The following USP8 variants were observed in gnomAD, a reference collection of about 807,000 sequenced individuals.
USP8 encodes the protein ubiquitin carboxyl-terminal hydrolase 8.
USP8 carries 27 observed loss-of-function variants against 130.0 expected under a neutral mutation model. The ratio of observed to expected loss-of-function variants is 0.21; its 90% CI spans 0.15 to 0.29. The LOEUF (loss-of-function observed/expected upper bound fraction) is 0.29, where lower values mean the gene tolerates loss of function less well. USP8 is among the 10% of genes least tolerant of loss of function. USP8 has a pLI of 1.00. For missense variants in USP8, 1,029 were observed against 1,312.2 expected (o/e 0.78, Z 3.33); for synonymous variants, 392 against 444.1 (o/e 0.88, Z 1.48).
At position 50,500,130 on chromosome 15, in the gene USP8, C is replaced by T. The variant is rs780851056; in HGVS notation, c.*1042C>T. 1 of 152,136 alleles carries T rather than the reference C, an allele frequency of 6.6e-6. No individual in the cohort carries two copies. Among genetic ancestry groups the T allele is most frequent in the Non-Finnish European group, 1.5e-5 (1 of 68,052 alleles). 9.4% of individuals were successfully genotyped at this position (152,136 alleles called of 1,614,324 possible). ...TAAAAGTGCTTCAGAAAGAGACCAC[C>T]ATTAGCAGGCTCTCAGGGAGAAGAT... On this transcript the variant is annotated 3_prime_UTR_variant, in exon 20 of 20. Coordinates refer to ENST00000307179, the MANE Select transcript of USP8 (RefSeq NM_005154.5).
intron 4 of USP8, among the ~76,000 whole-genome samples, chr15:50,456,602 A>G (rs1324263798): frequency 1.4e-5 from 2 of 146,452 alleles, no homozygotes; most frequent in African/African-American, 2.5e-5. Flanking sequence ...TAACTGCTTA[A>G]TGGCCGGGTG....
chr15:50,485,550 A>ATTTTTTTTTTTTTTTT (rs71424071), intron 12 of USP8, among the ~76,000 whole-genome samples: 19 of 27,938 alleles, frequency 6.8e-4, no homozygotes, highest in Middle Eastern at 0.045. Context: ...CAGTTTAGTG[A>ATTTTTTTTTTTTTTTT]TTTTTTTTTT....
intron 4 of USP8, among the ~76,000 whole-genome samples, chr15:50,456,864 C>A (rs904434032): frequency 1.3e-5 from 2 of 151,852 alleles, no homozygotes; most frequent in Admixed American, 1.3e-4. Flanking sequence ...CCTGCCTGGG[C>A]AGCAGAGCGA....
chr15:50,477,664 A>AC (rs1490607356), intron 10 of USP8, among the ~76,000 whole-genome samples, 165 bp downstream of exon 10: 1 of 151,592 alleles, frequency 6.6e-6, no homozygotes, highest in Non-Finnish European at 1.5e-5. Context: ...ACATGGTGAA[A>AC]CCCCCCTCTC....
At chr15:50,496,794 T>TA (rs1595993643) in intron 17 of USP8, 2 of 238,616 alleles carry the variant, frequency 8.4e-6, no homozygotes, top group Non-Finnish European at 1.6e-5. Context: ...CCTTTAGTCT[T>TA]AAAGTACCTC....
chr15:50,475,566 C>A (rs2051538546), intron 8 of USP8, among the ~76,000 whole-genome samples: 3 of 152,022 alleles, frequency 2.0e-5, no homozygotes, highest in Non-Finnish European at 2.9e-5. Context: ...TATATACACA[C>A]ACATATATGT....
intron 3 of USP8, among the ~76,000 whole-genome samples, chr15:50,442,618 G>A (rs902795159): frequency 4.0e-5 from 6 of 151,882 alleles, no homozygotes; most frequent in Admixed American, 1.3e-4. Context: ...AGTGGCGGGC[G>A]CCTGTAATCC....
intron 4 of USP8, among the ~76,000 whole-genome samples, chr15:50,453,726 GTATC>G (rs2050696331): frequency 2.0e-5 from 3 of 151,976 alleles, no homozygotes; most frequent in Admixed American, 1.3e-4. Flanking sequence ...ATATTTAACT[GTATC>G]TATTTATGCC....
intron 4 of USP8, among the ~76,000 whole-genome samples, chr15:50,457,717 C>T (rs1410053752): frequency 6.6e-6 from 1 of 150,928 alleles, no homozygotes; most frequent in Non-Finnish European, 1.5e-5. Context: ...ACAAATTAGC[C>T]AGGCATGGTG....
At chr15:50,467,759 A>G (rs555440433) in intron 7 of USP8, among the ~76,000 whole-genome samples, 113 of 151,480 alleles carry the variant, frequency 7.5e-4, no homozygotes, top group African/African-American at 2.7e-3. Flanking sequence ...GTTTTGCCAC[A>G]TTGCCCAGAC....
At chr15:50,481,365 G>T in intron 10 of USP8, 116 bp from the exon 11 acceptor site, 1 of 684,750 alleles carries the variant, frequency 1.5e-6, no homozygotes. Context: ...AAATAGATGT[G>T]CTGATAGATG....
At chr15:50,470,683 G>C (rs1595950309) in intron 7 of USP8, among the ~76,000 whole-genome samples, 1 of 150,388 alleles carries the variant, frequency 6.6e-6, no homozygotes, top group Non-Finnish European at 1.5e-5. Context: ...GCTCACTGCA[G>C]CCTCCGCCTC....
At chr15:50,462,163 C>T in intron 5 of USP8, 117 bp from the exon 6 acceptor site, 2 of 754,450 alleles carry the variant, frequency 2.7e-6, no homozygotes, top group Non-Finnish European at 4.2e-6. Context: ...TATAAAAGGC[C>T]AGTACTCTGC....
chr15:50,494,790 G>A (rs942150223), intron 16 of USP8, among the ~76,000 whole-genome samples: 4 of 152,176 alleles, frequency 2.6e-5, no homozygotes, highest in African/African-American at 9.7e-5. Context: ...CAAGGCTGGT[G>A]GATCACCTGA....
At chr15:50,454,106 C>T (rs1226180740) in intron 4 of USP8, among the ~76,000 whole-genome samples, 5 of 152,150 alleles carry the variant, frequency 3.3e-5, no homozygotes, top group Admixed American at 2.0e-4. Context: ...TCAGGTGATC[C>T]GCCTGCCTTG....
At position 50,501,154 on chromosome 15, in the gene USP8, A is replaced by G; in HGVS notation, c.*2066A>G. 1 of 252,458 alleles carries G rather than the reference A, an allele frequency of 4.0e-6. No individual in the cohort carries two copies. Among genetic ancestry groups the G allele is most frequent in the Non-Finnish European group, 8.0e-6 (1 of 125,774 alleles). 15.6% of individuals were successfully genotyped at this position (252,458 alleles called of 1,614,324 possible). A position where few individuals can be genotyped will look rare whatever the true frequency, so the allele number is the denominator to read the frequency against. On this transcript the variant is annotated 3_prime_UTR_variant, in exon 20 of 20. Transcript: ENST00000307179. ...CATCAACTATTAAGCATTAAAGGAA[A>G]TTTTACAATAAGAAGATAATTCAGG...
chr15:50,480,955 G>A (rs573000375), intron 10 of USP8, among the ~76,000 whole-genome samples: 1 of 152,014 alleles, frequency 6.6e-6, no homozygotes, highest in African/African-American at 2.4e-5. Context: ...TTAACAGCGT[G>A]CAGAAGGATA....
chr15:50,473,853 G>A (rs139597818), intron 8 of USP8, among the ~76,000 whole-genome samples: 8,906 of 150,214 alleles, frequency 0.059, 324 homozygotes, highest in African/African-American at 0.1. Flanking sequence ...TATTTATTTC[G>A]AGATGGAGTC....
chr15:50,435,729 G>T (rs553294932), intron 1 of USP8, among the ~76,000 whole-genome samples: 2 of 152,252 alleles, frequency 1.3e-5, no homozygotes, highest in African/African-American at 4.8e-5. Flanking sequence ...AACAACTATG[G>T]TTTTTAATGG....
Sources: gnomAD v4.1 joint callset for allele counts (sites outside exome capture counted in the v4.1 genomes callset) on GRCh38, gnomAD v4.1.1 for gene constraint, MANE v1.5 for transcripts, NCBI Gene and HGNC (gene_info 2026-07-23, HGNC 2026-07-21) for gene names.